Variants in ROR1 observed in about 807,000 individuals in gnomAD.
The protein encoded by ROR1 is inactive tyrosine-protein kinase transmembrane receptor ROR1.
In ROR1, 19 loss-of-function variants were observed where a neutral mutation model predicts 78.8. The observed-to-expected ratio is 0.24, with a 90% CI of 0.17 to 0.35. ROR1 has a LOEUF of 0.35. ROR1 is among the 10% of genes least tolerant of loss of function. The pLI is 1.00. For synonymous variants in ROR1, 386 were observed against 433.6 expected, an observed-to-expected ratio of 0.89 and a Z score of 1.36; for missense variants, 917 against 1,177.8, an observed-to-expected ratio of 0.78 and a Z score of 3.24.
intron 1 of ROR1, among the ~76,000 whole-genome samples, chr1:63,898,059 G>A (rs1211604916): frequency 1.3e-5 from 2 of 152,206 alleles, no homozygotes; most frequent in African/African-American, 4.8e-5. Context: ...TAGACAACTG[G>A]AGGGGTTGGG....
intron 7 of ROR1, chr1:64,143,285 C>T (rs1649380360): frequency 2.4e-5 from 23 of 969,658 alleles, no homozygotes; most frequent in Non-Finnish European, 2.7e-5. Flanking sequence ...TCTAGGAAGG[C>T]CGAGGCAGGA....
At chr1:63,934,891 C>T (rs986647538) in intron 1 of ROR1, among the ~76,000 whole-genome samples, 3 of 152,092 alleles carry the variant, frequency 2.0e-5, no homozygotes, top group African/African-American at 7.2e-5. Flanking sequence ...TAACCCATCC[C>T]ACATTGTAAA....
At chr1:63,990,995 T>G (rs1251835162) in intron 1 of ROR1, among the ~76,000 whole-genome samples, 1 of 152,242 alleles carries the variant, frequency 6.6e-6, no homozygotes, top group Non-Finnish European at 1.5e-5. Context: ...AACAGCTCAC[T>G]ATAACCTTGA....
At chr1:64,078,493 G>A (rs937111119) in intron 4 of ROR1, among the ~76,000 whole-genome samples, 16 of 152,232 alleles carry the variant, frequency 1.1e-4, no homozygotes, top group African/African-American at 1.9e-4. Context: ...AAGGAGACTC[G>A]GTAGGATAGT....
intron 1 of ROR1, among the ~76,000 whole-genome samples, chr1:63,995,981 AT>A (rs1367057332): frequency 3.9e-5 from 6 of 152,168 alleles, no homozygotes; most frequent in Admixed American, 3.9e-4. Flanking sequence ...AATTGTGGGC[AT>A]TTTATAGTCT....
chr1:63,840,819 A>T (rs1645045250), intron 1 of ROR1, among the ~76,000 whole-genome samples: 1 of 152,098 alleles, frequency 6.6e-6, no homozygotes, highest in African/African-American at 2.4e-5. Context: ...AAGTTACTTG[A>T]CTTGTCTAGG....
At chr1:64,049,628 G>C in intron 2 of ROR1, 63 bp from the exon 3 acceptor site, 1 of 1,451,160 alleles carries the variant, frequency 6.9e-7, no homozygotes, top group Non-Finnish European at 9.5e-7. Flanking sequence ...GAGGGGATTT[G>C]GCTGCTTGGA....
Position 64,140,366 on chromosome 1 carries a change from A to G in ROR1, c.868A>G (p.Ser290Gly), listed in dbSNP as rs1461625744. 9 of 1,613,968 alleles carry G rather than the reference A, an allele frequency of 5.6e-6. No homozygotes were observed. Among genetic ancestry groups the G allele is most frequent in the Non-Finnish European group, 7.6e-6 (9 of 1,180,004 alleles). Residue 290 changes from serine to glycine, a missense_variant, in exon 6 of 9, where the codon AGC becomes GGC. Physicochemically the swap from Ser to Gly is moderately conservative, Grantham distance 56. Around this residue, in one of 3 missense-constraint regions of ROR1, gnomAD observed 835 missense variants for 1,069.8 expected, o/e 0.78. Transcript: ENST00000371079. ...PNCEDLPQPESPEAANCIRIG... is the reference protein window; with the variant it reads ...PNCEDLPQPEGPEAANCIRIG... ...CTGTGAAGATCTCCCCCAGCCAGAG[A>G]GCCCAGAAGCTGCGAACTGTATCCG... is the stretch of plus-strand genomic sequence containing the variant.
chr1:64,050,507 A>AT lies in ROR1; in HGVS notation c.452-165dup, dbSNP rs397973977. Among the ~76,000 whole-genome samples, 10,106 of 142,882 alleles carry AT rather than the reference A, an allele frequency of 0.071. 957 individuals are homozygous for AT. The highest frequency in any genetic ancestry group is 0.22 in the African/African-American group (8,748 of 39,346). The allele number at this position is 142,882 out of a possible 152,430, so 93.7% of individuals were successfully genotyped here. On this transcript the variant is annotated intron_variant, in intron 3 of 8. Transcript: ENST00000371079. ...GAGACATAGACACGTTCTCACTGGT[A>AT]TTTTTTTTTTTTTTCATAGAGATGG...
At position 63,926,054 on chromosome 1, in the gene ROR1, A is replaced by G. The variant is rs963674803; in HGVS notation, c.92-83251A>G. Among the ~76,000 whole-genome samples the G allele has an allele frequency of 3.9e-5, 6 of 152,116 alleles. No homozygotes were observed. The South Asian group carries it at 6.2e-4, about 16-fold the overall frequency. The stretch of plus-strand genomic sequence containing the variant: ...TTTGTCAATTTTGTCTTTTGTTGCC[A>G]TTGCTTTTGGTGTTTTAGACATGAA... On this transcript the variant is annotated intron_variant, in intron 1 of 8. Coordinates refer to ENST00000371079, the MANE Select transcript of ROR1 (RefSeq NM_005012.4).
chr1:63,991,326 G>A (rs921693973), intron 1 of ROR1, among the ~76,000 whole-genome samples: 1 of 152,116 alleles, frequency 6.6e-6, no homozygotes, highest in South Asian at 2.1e-4. Context: ...CATGAGTTTT[G>A]TGACTTCTAC....
intron 1 of ROR1, among the ~76,000 whole-genome samples, chr1:63,861,588 A>C (rs540375526): frequency 1.3e-5 from 2 of 152,122 alleles, no homozygotes; most frequent in South Asian, 2.1e-4. Context: ...AGCACGTTGA[A>C]CTGACTGTGC....
intron 1 of ROR1, among the ~76,000 whole-genome samples, chr1:63,934,560 T>A (rs1367551421): frequency 1.3e-5 from 2 of 152,180 alleles, no homozygotes; most frequent in Non-Finnish European, 2.9e-5. Context: ...TGGGATGGTT[T>A]TGACAGATAA....
intron 1 of ROR1, among the ~76,000 whole-genome samples, chr1:63,994,011 T>C (rs947041207): frequency 3.3e-5 from 5 of 152,308 alleles, no homozygotes; most frequent in South Asian, 2.1e-4. Flanking sequence ...CCTTTCAGTA[T>C]AGTGAGTTAT....
chr1:64,159,332 A>G, intron 8 of ROR1, 140 bp downstream of exon 8: 1 of 667,962 alleles, frequency 1.5e-6, no homozygotes, highest in Non-Finnish European at 2.6e-6. Flanking sequence ...ACCAAATGCA[A>G]AGACGAACTA....
intron 1 of ROR1, among the ~76,000 whole-genome samples, chr1:63,826,854 A>G (rs557079181): frequency 1.3e-5 from 2 of 152,130 alleles, no homozygotes; most frequent in East Asian, 3.9e-4. Context: ...GACTGGTGTG[A>G]GATGGTATCT....
intron 1 of ROR1, among the ~76,000 whole-genome samples, chr1:63,790,711 G>T (rs546045142): frequency 2.2e-4 from 33 of 152,220 alleles, no homozygotes; most frequent in African/African-American, 7.5e-4. Context: ...CTGGCTGCCG[G>T]CCCTCAGCAC....
chr1:64,015,977 A>T (rs1032781339), intron 2 of ROR1, among the ~76,000 whole-genome samples: 1 of 152,172 alleles, frequency 6.6e-6, no homozygotes, highest in Non-Finnish European at 1.5e-5. Context: ...TCTAGCATAT[A>T]TAGGTGCTCA....
intron 1 of ROR1, among the ~76,000 whole-genome samples, chr1:63,792,446 T>TACATG (rs1239710417): frequency 6.6e-6 from 1 of 152,188 alleles, no homozygotes; most frequent in African/African-American, 2.4e-5. Context: ...AGTTCTCATT[T>TACATG]ACATGGGGAG....
Sources: allele counts gnomAD v4.1 joint callset (sites outside exome capture counted in the v4.1 genomes callset), GRCh38; gene constraint gnomAD v4.1.1; regional missense constraint gnomAD v4.1.1; transcripts MANE v1.5; gene names NCBI Gene and HGNC (gene_info 2026-07-23, HGNC 2026-07-21).